The following MSRA variants were observed in gnomAD, a reference collection of about 807,000 sequenced individuals.
MSRA encodes the protein mitochondrial peptide methionine sulfoxide reductase.
A neutral mutation model predicts 31.3 loss-of-function variants in MSRA; 54 were observed. That is an observed-to-expected ratio of 1.73 (90% CI 1.39 to 2.17). MSRA has a LOEUF of 2.17. MSRA is among the 30% of genes most tolerant of loss of function. The pLI is 0.00. For synonymous variants in MSRA, 169 were observed against 116.5 expected (o/e 1.45, Z -2.90); for missense variants, 507 against 300.9 (o/e 1.69, Z -5.07).
At chr8:10,205,898 C>T (rs1414014389) in intron 1 of MSRA, among the ~76,000 whole-genome samples, 2 of 152,194 alleles carry the variant, frequency 1.3e-5, no homozygotes, top group African/African-American at 2.4e-5. Context: ...GCATTTAAAA[C>T]ATGTTGGGTA....
intron 2 of MSRA, among the ~76,000 whole-genome samples, chr8:10,216,150 C>T (rs1297901111): frequency 1.3e-5 from 2 of 152,058 alleles, no homozygotes; most frequent in East Asian, 1.9e-4. Context: ...TCATTCTCCC[C>T]AGCCATTTAT....
At position 10,247,648 on chromosome 8, in the gene MSRA, A is replaced by G. The variant is rs1012137127; in HGVS notation, c.331+2425A>G. Among the ~76,000 whole-genome samples, 9 of 152,310 alleles carry G rather than the reference A, an allele frequency of 5.9e-5. No homozygotes were observed. The East Asian group carries it at 7.7e-4, about 13-fold the overall frequency. Reference sequence around the variant, plus strand: ...GTAAAGAACTCGATTGGATATGAACACTACCTGCTAAGTTAACAGTAGCAT... The same window carrying G: ...GTAAAGAACTCGATTGGATATGAACGCTACCTGCTAAGTTAACAGTAGCAT... On this transcript the variant is annotated intron_variant, in intron 3 of 5. Transcript: ENST00000317173.
intron 5 of MSRA, among the ~76,000 whole-genome samples, chr8:10,331,470 A>G (rs1802696395): frequency 6.6e-6 from 1 of 152,232 alleles, no homozygotes; most frequent in South Asian, 2.1e-4. Context: ...CACACAGGCT[A>G]GGGCAGGATC....
chr8:10,340,051 C>A (rs896704827), intron 5 of MSRA, among the ~76,000 whole-genome samples: 2 of 152,164 alleles, frequency 1.3e-5, no homozygotes, highest in Non-Finnish European at 2.9e-5. Flanking sequence ...CATTTCCTGG[C>A]CCGTGTGGTA....
intron 1 of MSRA, among the ~76,000 whole-genome samples, chr8:10,097,693 TCTTAA>T (rs1189299272): frequency 1.3e-5 from 2 of 152,336 alleles, no homozygotes; most frequent in African/African-American, 4.8e-5. Context: ...CTAGCTGATT[TCTTAA>T]CTTCTTTGCA....
intron 3 of MSRA, among the ~76,000 whole-genome samples, chr8:10,293,293 A>G (rs1298983841): frequency 1.3e-5 from 2 of 152,152 alleles, no homozygotes; most frequent in Non-Finnish European, 2.9e-5. Flanking sequence ...GGGTAAGCTC[A>G]TGAGCCACTT....
At chr8:10,405,525 A>G (rs946009751) in intron 5 of MSRA, among the ~76,000 whole-genome samples, 2 of 152,050 alleles carry the variant, frequency 1.3e-5, no homozygotes, top group East Asian at 3.9e-4. Context: ...CCTTCTTTTT[A>G]CCCTGACACC....
intron 3 of MSRA, among the ~76,000 whole-genome samples, chr8:10,252,247 G>C (rs1292322839): frequency 1.3e-5 from 2 of 152,160 alleles, no homozygotes; most frequent in African/African-American, 2.4e-5. Context: ...ATCACAGTGT[G>C]ACTAGAACAC....
intron 5 of MSRA, among the ~76,000 whole-genome samples, chr8:10,334,049 A>G (rs993264649): frequency 6.6e-6 from 1 of 152,166 alleles, no homozygotes; most frequent in African/African-American, 2.4e-5. Flanking sequence ...TAACAGCAGC[A>G]GCATTAAGTT....
rs192863927 is a variant in MSRA, at chr8:10,216,328, A to T, written c.211+8427A>T. Among the ~76,000 whole-genome samples the T allele has an allele frequency of 1.0e-3, 152 of 152,378 alleles. 1 individual carries two copies. Among genetic ancestry groups the T allele is most frequent in the Non-Finnish European group, 4.0e-4 (27 of 68,040 alleles). On this transcript the variant is annotated intron_variant, in intron 2 of 5. Transcript: ENST00000317173. ...CTTACATAATTTATAAAACTTGCTC[A>T]TAAATTTGGCTCTATGTTTCCTAGC...
chr8:10,291,677 C>T (rs1800243907), intron 3 of MSRA, among the ~76,000 whole-genome samples: 2 of 152,066 alleles, frequency 1.3e-5, no homozygotes, highest in Admixed American at 1.3e-4. Flanking sequence ...ACCCTCGCCC[C>T]TTTCTCCCTT....
chr8:10,397,797 A>T (rs1169383915), intron 5 of MSRA, among the ~76,000 whole-genome samples: 1 of 152,202 alleles, frequency 6.6e-6, no homozygotes, highest in Non-Finnish European at 1.5e-5. Context: ...TTTGAAGAAC[A>T]TTCTGTTTTC....
intron 1 of MSRA, among the ~76,000 whole-genome samples, chr8:10,065,006 C>G (rs1475825506): frequency 6.6e-6 from 1 of 152,056 alleles, no homozygotes; most frequent in Non-Finnish European, 1.5e-5. Flanking sequence ...GGTAGGCTGT[C>G]ACAGAGCCCC....
intron 5 of MSRA, among the ~76,000 whole-genome samples, chr8:10,421,557 G>C (rs929277110): frequency 6.6e-6 from 1 of 152,042 alleles, no homozygotes; most frequent in African/African-American, 2.4e-5. Context: ...GGAGAATCTC[G>C]GTGATCCTAA....
chr8:10,082,837 G>A (rs903113607), intron 1 of MSRA, among the ~76,000 whole-genome samples: 10 of 152,128 alleles, frequency 6.6e-5, no homozygotes, highest in African/African-American at 1.2e-4. Context: ...CTTATCCCTG[G>A]AGCACCCACC....
At chr8:10,300,319 G>A (rs375070453) in intron 3 of MSRA, among the ~76,000 whole-genome samples, 4 of 151,756 alleles carry the variant, frequency 2.6e-5, no homozygotes, top group East Asian at 3.9e-4. Flanking sequence ...GCAGTGGTGC[G>A]ATCTCGGCTT....
chr8:10,255,023 C>T (rs1176692077), intron 3 of MSRA, among the ~76,000 whole-genome samples: 5 of 152,212 alleles, frequency 3.3e-5, no homozygotes, highest in African/African-American at 1.2e-4. Flanking sequence ...AAATTTTGCA[C>T]AGAAGTCTAT....
chr8:10,318,862 A>G (rs573408473), intron 4 of MSRA, among the ~76,000 whole-genome samples: 1 of 152,248 alleles, frequency 6.6e-6, no homozygotes, highest in African/African-American at 2.4e-5. Context: ...TTTGACACAG[A>G]TGCTTCCTGG....
chr8:10,193,434 G>A (rs1032575299), intron 1 of MSRA, among the ~76,000 whole-genome samples: 10 of 152,190 alleles, frequency 6.6e-5, no homozygotes, highest in African/African-American at 2.4e-4. Flanking sequence ...GCTCCATTCA[G>A]TCATTACAGA....
Sources: allele counts gnomAD v4.1 joint callset (sites outside exome capture counted in the v4.1 genomes callset), GRCh38; gene constraint gnomAD v4.1.1; transcripts MANE v1.5; gene names NCBI Gene and HGNC (gene_info 2026-07-23, HGNC 2026-07-21).